The following FAM163A variants were observed in gnomAD, a reference collection of about 807,000 sequenced individuals.
FAM163A encodes protein FAM163A.
A neutral mutation model predicts 12.0 loss-of-function variants in FAM163A; 7 were observed. The ratio of observed to expected loss-of-function variants is 0.58; its 90% CI spans 0.33 to 1.10. FAM163A has a LOEUF of 1.10. FAM163A is among the 50% of genes least tolerant of loss of function. The probability of loss-of-function intolerance (pLI) is 0.03; values close to 1 mark genes in which losing one functional copy is unlikely to be tolerated. For synonymous variants in FAM163A, 101 were observed against 91.0 expected, an observed-to-expected ratio of 1.11 and a Z score of -0.62; for missense variants, 202 against 218.6, an observed-to-expected ratio of 0.92 and a Z score of 0.48.
chr1:179,777,585 G>T (rs949024049), intron 1 of FAM163A, among the ~76,000 whole-genome samples: 3 of 152,194 alleles, frequency 2.0e-5, no homozygotes, highest in African/African-American at 7.2e-5. Context: ...CCAGAAAACT[G>T]AAGGTTTGAA....
chr1:179,780,090 G>A (rs1212682065), intron 1 of FAM163A, among the ~76,000 whole-genome samples: 3 of 152,184 alleles, frequency 2.0e-5, no homozygotes, highest in Non-Finnish European at 4.4e-5. Flanking sequence ...GGCACTTGTG[G>A]CCAGGCAGGT....
the FAM163A span, among the ~76,000 whole-genome samples, chr1:179,736,580 C>G: frequency 3.3e-5 from 5 of 151,994 alleles, no homozygotes; most frequent in African/African-American, 1.2e-4. Context: ...AAGGCCAAGG[C>G]GGGTGGATCA....
At chr1:179,744,490 C>A (rs928462918) in intron 1 of FAM163A, among the ~76,000 whole-genome samples, 10 of 152,130 alleles carry the variant, frequency 6.6e-5, no homozygotes, top group African/African-American at 9.7e-5. Context: ...TGGTTCTCTG[C>A]GGCTCCGAAG....
Position 179,755,235 on chromosome 1 carries a change from G to C in FAM163A, c.-136+11812G>C, listed in dbSNP as rs115077685. Among the ~76,000 whole-genome samples the C allele has an allele frequency of 9.1e-3, 1,384 of 152,162 alleles. 13 individuals carry two copies. The highest frequency in any genetic ancestry group is 0.032 in the African/African-American group (1,334 of 41,472). ...GTAGAAGTGGGGTAGAATGGGGATG[G>C]AGGATGGGGTTATAACCAAGATTCA... On this transcript the variant is annotated intron_variant, in intron 1 of 4. Transcript: ENST00000341785.
chr1:179,780,710 G>C (rs1689603991), intron 1 of FAM163A, among the ~76,000 whole-genome samples: 1 of 152,188 alleles, frequency 6.6e-6, no homozygotes, highest in African/African-American at 2.4e-5. Flanking sequence ...TCCTACACAG[G>C]TACCTGCCCC....
intron 1 of FAM163A, among the ~76,000 whole-genome samples, chr1:179,795,020 C>T (rs1487947716): frequency 6.6e-6 from 1 of 152,190 alleles, no homozygotes; most frequent in Non-Finnish European, 1.5e-5. Flanking sequence ...CTGCCAGCAG[C>T]AACCCCAGAG....
At chr1:179,769,002 A>G (rs771278440) in intron 1 of FAM163A, among the ~76,000 whole-genome samples, 3 of 152,196 alleles carry the variant, frequency 2.0e-5, no homozygotes, top group Non-Finnish European at 4.4e-5. Flanking sequence ...ACTTTTAGAG[A>G]TGCATACTGA....
chr1:179,784,303 G>A (rs1243667936), intron 1 of FAM163A, among the ~76,000 whole-genome samples: 1 of 152,240 alleles, frequency 6.6e-6, no homozygotes, highest in Non-Finnish European at 1.5e-5. Flanking sequence ...CAGTGGTGGA[G>A]GAGGTAAGAG....
intron 1 of FAM163A, among the ~76,000 whole-genome samples, chr1:179,779,065 A>G (rs530990572): frequency 8.5e-5 from 13 of 152,356 alleles, no homozygotes; most frequent in African/African-American, 3.1e-4. Flanking sequence ...AAGTTACTAC[A>G]AAATTAAATG....
intron 1 of FAM163A, among the ~76,000 whole-genome samples, chr1:179,782,118 G>A (rs1276853035): frequency 1.3e-5 from 2 of 152,130 alleles, no homozygotes; most frequent in East Asian, 3.9e-4. Context: ...CAGCCCTGGG[G>A]AACAGGCGAA....
At chr1:179,783,770 T>TTG in intron 1 of FAM163A, among the ~76,000 whole-genome samples, 1 of 144,816 alleles carries the variant, frequency 6.9e-6, no homozygotes, top group African/African-American at 2.5e-5. Flanking sequence ...ATATAATTTA[T>TTG]TATATATATA....
intron 1 of FAM163A, among the ~76,000 whole-genome samples, chr1:179,769,194 G>A (rs773043532): frequency 1.3e-5 from 2 of 152,134 alleles, no homozygotes; most frequent in Non-Finnish European, 2.9e-5. Context: ...CACCCAGGTT[G>A]GAGTGCAGTG....
intron 1 of FAM163A, among the ~76,000 whole-genome samples, chr1:179,768,180 G>C (rs1687764176): frequency 6.6e-6 from 1 of 152,154 alleles, no homozygotes; most frequent in African/African-American, 2.4e-5. Context: ...CCTTCTTAAG[G>C]CTGCATAATA....
intron 1 of FAM163A, among the ~76,000 whole-genome samples, chr1:179,780,479 G>A (rs1264628516): frequency 6.6e-6 from 1 of 152,190 alleles, no homozygotes; most frequent in Non-Finnish European, 1.5e-5. Context: ...GCATAAGCTC[G>A]GTGATCGTTC....
intron 1 of FAM163A, among the ~76,000 whole-genome samples, chr1:179,766,321 A>AC (rs1227105454): frequency 2.6e-5 from 4 of 152,140 alleles, no homozygotes; most frequent in South Asian, 2.1e-4. Flanking sequence ...AGGTCATGAG[A>AC]CCCCCCATTC....
At chr1:179,811,538 C>G (rs1694704056) in intron 2 of FAM163A, among the ~76,000 whole-genome samples, 1 of 152,214 alleles carries the variant, frequency 6.6e-6, no homozygotes, top group African/African-American at 2.4e-5. Context: ...GAGATGCTAT[C>G]TTTCTAATGG....
the FAM163A span, among the ~76,000 whole-genome samples, chr1:179,731,889 G>A: frequency 6.6e-6 from 1 of 152,202 alleles, no homozygotes; most frequent in African/African-American, 2.4e-5. Context: ...TGAGACCACA[G>A]TGCCAACAAC....
intron 1 of FAM163A, among the ~76,000 whole-genome samples, chr1:179,806,405 A>C (rs1693941932): frequency 6.6e-6 from 1 of 152,014 alleles, no homozygotes. Context: ...GGGAGAGTGT[A>C]GGAAGGCCTA....
chr1:179,744,473 G>A (rs1684157934), intron 1 of FAM163A, among the ~76,000 whole-genome samples: 1 of 152,182 alleles, frequency 6.6e-6, no homozygotes, highest in Admixed American at 6.5e-5. Flanking sequence ...CTGGGTGGGT[G>A]GCATCCTGGT....
Sources: allele counts gnomAD v4.1 joint callset (sites outside exome capture counted in the v4.1 genomes callset), GRCh38; gene constraint gnomAD v4.1.1; transcripts MANE v1.5; gene names NCBI Gene and HGNC (gene_info 2026-07-23, HGNC 2026-07-21).